The following TRRAP variants were observed in gnomAD, a reference collection of about 807,000 sequenced individuals.
TRRAP encodes the protein transformation/transcription domain associated protein.
TRRAP carries 41 observed loss-of-function variants against 438.8 expected under a neutral mutation model. The observed-to-expected ratio is 0.09, with a 90% CI of 0.07 to 0.12. The LOEUF (loss-of-function observed/expected upper bound fraction) is 0.12, where lower values mean the gene tolerates loss of function less well. Ranked by LOEUF, TRRAP falls within the 10% of genes least tolerant of loss-of-function variation. The pLI, the probability that TRRAP is intolerant of heterozygous loss-of-function variation, is 1.00. For synonymous variants in TRRAP, 1,994 were observed against 1,962.9 expected (o/e 1.02, Z -0.42); for missense variants, 3,122 against 5,055.1 (o/e 0.62, Z 11.60).
intron 33 of TRRAP, among the ~76,000 whole-genome samples, chr7:98,947,336 A>T (rs1483109010): frequency 6.6e-6 from 1 of 152,226 alleles, no homozygotes; most frequent in African/African-American, 2.4e-5. Context: ...GGCCTGGTTG[A>T]CAAATACTTA....
chr7:98,906,302 A>G (rs1796723969), intron 13 of TRRAP, 47 bp downstream of exon 13: 2 of 1,479,982 alleles, frequency 1.4e-6, no homozygotes, highest in Non-Finnish European at 1.9e-6. Context: ...TGCCAGGAGC[A>G]TCAGTTACTG....
chr7:98,992,443 G>A lies in TRRAP; in HGVS notation c.9847+216G>A, dbSNP rs141903467. Reference sequence around the variant, plus strand: ...GGATGTAATAAGCGTTCATTTATCCGAGTGATTTGATCTATAGGTAGAGAA... The same window carrying A: ...GGATGTAATAAGCGTTCATTTATCCAAGTGATTTGATCTATAGGTAGAGAA... On this transcript the variant is annotated intron_variant, in intron 65 of 72. Coordinates refer to ENST00000456197, the MANE Select transcript of TRRAP (RefSeq NM_001375524.1). Among the ~76,000 whole-genome samples, 125 of 152,300 alleles carry A rather than the reference G, an allele frequency of 8.2e-4. 2 individuals are homozygous for A. Among genetic ancestry groups the A allele is most frequent in the East Asian group, 6.9e-3 (36 of 5,180 alleles).
At position 99,005,415 on chromosome 7, in the gene TRRAP, C is replaced by A; in HGVS notation, c.10753+67C>A. On this transcript the variant is annotated intron_variant, in intron 69 of 72. Transcript: ENST00000456197. The surrounding 1 kb of genome is among the most constrained non-coding windows in gnomAD (Gnocchi z 5.1). ...TCACAGGTGGGGATGAGAGCCACACCTCGTGGGGTGCACAGGCAGCTCACG... is the reference window on the plus strand; with the variant it reads ...TCACAGGTGGGGATGAGAGCCACACATCGTGGGGTGCACAGGCAGCTCACG... The A allele has an allele frequency of 6.7e-7, 1 of 1,492,688 alleles. No homozygotes were observed. Among genetic ancestry groups the A allele is most frequent in the Non-Finnish European group, 9.3e-7 (1 of 1,073,286 alleles). 92.5% of individuals were successfully genotyped at this position (1,492,688 alleles called of 1,614,324 possible).
Position 98,927,291 on chromosome 7 carries a change from C to T in TRRAP, c.3100C>T (p.Leu1034=). 6.2e-7 allele frequency: 1 copy of T among 1,614,262 alleles called. No individual in the cohort carries two copies. Among genetic ancestry groups the T allele is most frequent in the Non-Finnish European group, 8.5e-7 (1 of 1,180,052 alleles). Residue 1034 remains leucine (L), a synonymous_variant, in exon 23 of 73, where the codon CTG becomes TTG. Coordinates refer to ENST00000456197, the MANE Select transcript of TRRAP (RefSeq NM_001375524.1). The part of the protein sequence containing the change: ...GAFMSAVIKD[L]RPSALPFVAS... ...CTTCATGTCTGCTGTCATTAAGGAC[C>T]TGCGGCCCAGCGCCCTGCCCTTTGT...
chr7:98,952,575 A>G (rs1044276566), intron 39 of TRRAP, among the ~76,000 whole-genome samples: 17 of 152,180 alleles, frequency 1.1e-4, no homozygotes, highest in Non-Finnish European at 2.1e-4. Context: ...GACGGATCTC[A>G]ATCAATTTAG....
At chr7:98,915,481 C>A (rs1789480208) in intron 18 of TRRAP, among the ~76,000 whole-genome samples, 1 of 152,202 alleles carries the variant, frequency 6.6e-6, no homozygotes, top group Admixed American at 6.5e-5. Flanking sequence ...CCGGAGCCAC[C>A]TTGCCTGGCC....
rs191575715 is a variant in TRRAP at position 99,005,519 on chromosome 7, C to T, written c.10753+171C>T. On this transcript the variant is annotated intron_variant, in intron 69 of 72. Transcript: ENST00000456197. This position sits in a 1 kb window ranked among gnomAD's most constrained non-coding sequence, Gnocchi z 5.1. Reference sequence around the variant, plus strand: ...CCAGGGAAGGCCTCAGGAAGAGGAGCAGCTCCAGGCCTTCAGGCTTCTCAC... The same window carrying T: ...CCAGGGAAGGCCTCAGGAAGAGGAGTAGCTCCAGGCCTTCAGGCTTCTCAC... Among the ~76,000 whole-genome samples the T allele has an allele frequency of 5.5e-4, 84 of 152,314 alleles. 1 individual carries two copies. Among genetic ancestry groups the T allele is most frequent in the African/African-American group, 1.8e-3 (76 of 41,564 alleles).
Position 99,005,395 on chromosome 7 carries a change from G to T in TRRAP, c.10753+47G>T. The stretch of plus-strand genomic sequence containing the variant: ...CGCTGGGTACACAGGCAGCTTCACA[G>T]GTGGGGATGAGAGCCACACCTCGTG... On this transcript the variant is annotated intron_variant, in intron 69 of 72. Transcript: ENST00000456197. The surrounding 1 kb of genome is among the most constrained non-coding windows in gnomAD (Gnocchi z 5.1). The T allele has an allele frequency of 6.3e-7, 1 of 1,591,974 alleles. No homozygotes were observed. Among genetic ancestry groups the T allele is most frequent in the Non-Finnish European group, 8.6e-7 (1 of 1,161,024 alleles).
Position 99,011,943 on chromosome 7 carries a change from T to G in TRRAP, c.11338-128T>G. 8.1e-7 allele frequency: 1 copy of G among 1,227,158 alleles called. No individual in the cohort carries two copies. The highest frequency in any genetic ancestry group is 1.5e-5 in the South Asian group (1 of 66,674). The allele number at this position is 1,227,158 out of a possible 1,614,324, so 76.0% of individuals were successfully genotyped here. The stretch of plus-strand genomic sequence containing the variant: ...CCTGAGGGCACACAGCCTGGCCTGG[T>G]GCTGAAACTCGACTGGCCCTTGGTG... On this transcript the variant is annotated intron_variant, in intron 72 of 72. Coordinates refer to ENST00000456197, the MANE Select transcript of TRRAP (RefSeq NM_001375524.1). The surrounding 1 kb of genome is among the most constrained non-coding windows in gnomAD (Gnocchi z 7.1).
Position 98,956,029 on chromosome 7 carries a change from T to G in TRRAP, c.5938-117T>G. The G allele has an allele frequency of 8.0e-7, 1 of 1,247,842 alleles. No homozygotes were observed. The highest frequency in any genetic ancestry group is 1.1e-6 in the Non-Finnish European group (1 of 914,602). 77.3% of individuals were successfully genotyped at this position (1,247,842 alleles called of 1,614,324 possible). Reference sequence around the variant, plus strand: ...TTCTTGAGCATCAAGTTGGGCTGTGTGTGTATGTTGGGGCTGAGAGGCATG... The same window carrying G: ...TTCTTGAGCATCAAGTTGGGCTGTGGGTGTATGTTGGGGCTGAGAGGCATG... On this transcript the variant is annotated intron_variant, in intron 41 of 72. Coordinates refer to ENST00000456197, the MANE Select transcript of TRRAP (RefSeq NM_001375524.1). The surrounding 1 kb of genome is among the most constrained non-coding windows in gnomAD (Gnocchi z 4.5).
At chr7:98,977,783 G>T (rs189071724) in intron 56 of TRRAP, among the ~76,000 whole-genome samples, 6 of 152,346 alleles carry the variant, frequency 3.9e-5, no homozygotes, top group Non-Finnish European at 7.3e-5. Context: ...TGGCCTTGCG[G>T]CTCCTGCTCC....
At position 98,959,319 on chromosome 7, in the gene TRRAP, G is replaced by A. The variant is rs200316287; in HGVS notation, c.6343-25G>A. The A allele has an allele frequency of 4.4e-5, 71 of 1,611,446 alleles. No individual in the cohort carries two copies. The African/African-American group carries it at 6.4e-4, about 15-fold the overall frequency. On this transcript the variant is annotated intron_variant, in intron 44 of 72. Coordinates refer to ENST00000456197, the MANE Select transcript of TRRAP (RefSeq NM_001375524.1). ...GTAAACTCGGATGCAGTGAAATGCC[G>A]GCTGTAACTCGGATGAATTCCTAGG...
intron 20 of TRRAP, among the ~76,000 whole-genome samples, chr7:98,919,615 A>T (rs560915932): frequency 5.3e-5 from 8 of 152,338 alleles, no homozygotes; most frequent in Non-Finnish European, 8.8e-5. Context: ...AAAAACCAAA[A>T]GATAAAGATG....
rs1281475291 is a variant in TRRAP, at chr7:99,008,358, T to C, written c.10754-19T>C. On this transcript the variant is annotated intron_variant, in intron 69 of 72. Transcript: ENST00000456197. ...GCGGTCACCCTCAGCCTGCCCCGTT[T>C]CTCTTCCTCTCTCCCCAGTGCCCCG... The C allele has an allele frequency of 6.2e-7, 1 of 1,611,842 alleles. No homozygotes were observed. The highest frequency in any genetic ancestry group is 1.1e-5 in the South Asian group (1 of 90,826).
intron 45 of TRRAP, 107 bp downstream of exon 45, chr7:98,959,597 C>G (rs1001408377): frequency 6.8e-7 from 1 of 1,478,248 alleles, no homozygotes; most frequent in South Asian, 1.4e-5. Flanking sequence ...ACCCTTATGC[C>G]TAAACCCCAA....
intron 3 of TRRAP, among the ~76,000 whole-genome samples, chr7:98,883,913 G>A (rs374108185): frequency 1.4e-4 from 21 of 152,304 alleles, no homozygotes; most frequent in East Asian, 1.2e-3. Context: ...ACGTTTTGTC[G>A]TAGTAGGCAG....
chr7:98,930,585 A>T (rs1554412615), intron 24 of TRRAP, 48 bp from the exon 25 acceptor site: 6 of 1,604,408 alleles, frequency 3.7e-6, no homozygotes, highest in Non-Finnish European at 5.1e-6. Flanking sequence ...TCTCAAAAAA[A>T]ACAAGAATTG....
chr7:99,011,018 T>G lies in TRRAP; in HGVS notation c.10939-34T>G. 1.0e-4 allele frequency: 163 copies of G among 1,576,640 alleles called. No homozygotes were observed. Among genetic ancestry groups the G allele is most frequent in the Non-Finnish European group, 1.3e-4 (147 of 1,152,436 alleles). On this transcript the variant is annotated intron_variant, in intron 70 of 72. Coordinates refer to ENST00000456197, the MANE Select transcript of TRRAP (RefSeq NM_001375524.1). This position sits in a 1 kb window ranked among gnomAD's most constrained non-coding sequence, Gnocchi z 7.1. ...TTCTTTTCCAAAAAAAATCAGTGAG[T>G]GAGATGGGAGTGTCACGGAGCGCTG...
intron 18 of TRRAP, among the ~76,000 whole-genome samples, chr7:98,913,067 T>C (rs1252086128): frequency 4.6e-5 from 7 of 152,194 alleles, no homozygotes; most frequent in African/African-American, 1.4e-4. Flanking sequence ...TGGTCCTCGT[T>C]GCTTGGTCCA....
Sources: allele counts gnomAD v4.1 joint callset (sites outside exome capture counted in the v4.1 genomes callset), GRCh38; gene constraint gnomAD v4.1.1; non-coding constraint Gnocchi (gnomAD v3.1); transcripts MANE v1.5; gene names NCBI Gene and HGNC (gene_info 2026-07-23, HGNC 2026-07-21).